The following BMP2K variants were observed in gnomAD, a reference collection of about 807,000 sequenced individuals.
BMP2K encodes the protein BMP2 inducible kinase.
A neutral mutation model predicts 116.0 loss-of-function variants in BMP2K; 74 were observed. The observed-to-expected ratio is 0.64, with a 90% confidence interval of 0.53 to 0.77. BMP2K has a LOEUF of 0.77. Ranked by LOEUF, BMP2K falls within the 30% of genes least tolerant of loss-of-function variation. BMP2K has a pLI of 0.00. For missense variants in BMP2K, 1,365 were observed against 1,403.6 expected, an observed-to-expected ratio of 0.97 and a Z score of 0.44; for synonymous variants, 486 against 502.5, an observed-to-expected ratio of 0.97 and a Z score of 0.44.
chr4:78,825,464 T>C (rs1463198800), intron 1 of BMP2K, among the ~76,000 whole-genome samples: 2 of 152,206 alleles, frequency 1.3e-5, no homozygotes, highest in Admixed American at 6.5e-5. Flanking sequence ...CAGTCTTTTA[T>C]CTATGGAAAA....
chr4:78,827,295 G>A (rs1225792440), intron 2 of BMP2K, among the ~76,000 whole-genome samples: 1 of 151,434 alleles, frequency 6.6e-6, no homozygotes, highest in Non-Finnish European at 1.5e-5. Context: ...CATAAGCAAA[G>A]CCCGGTCCAG....
chr4:78,878,673 ATTTT>A, intron 13 of BMP2K, 57 bp from the exon 14 acceptor site: 1 of 1,353,010 alleles, frequency 7.4e-7, no homozygotes, highest in Non-Finnish European at 1.0e-6. Flanking sequence ...GGCATTGTAA[ATTTT>A]TATTTATTTT....
chr4:78,778,122 CT>C (rs1727335437), intron 1 of BMP2K, among the ~76,000 whole-genome samples: 1 of 152,128 alleles, frequency 6.6e-6, no homozygotes, highest in African/African-American at 2.4e-5. Flanking sequence ...CATATTCTGT[CT>C]TTGAATTGTT....
intron 15 of BMP2K, among the ~76,000 whole-genome samples, chr4:78,892,201 A>G (rs1166633611): frequency 6.6e-6 from 1 of 152,214 alleles, no homozygotes; most frequent in East Asian, 1.9e-4. Context: ...CCTGTGAAGC[A>G]AACTGGGCTT....
At position 78,910,738 on chromosome 4, in the gene BMP2K, G is replaced by A; in HGVS notation, c.2191G>A (p.Gly731Ser). 6.2e-7 allele frequency: 1 copy of A among 1,613,820 alleles called. No individual in the cohort carries two copies. Among genetic ancestry groups the A allele is most frequent in the Non-Finnish European group, 8.5e-7 (1 of 1,179,848 alleles). The change falls in exon 16 of 16, where the codon GGT (glycine) becomes AGT (serine). Residue 731 changes from glycine to serine, a missense_variant. Gly to Ser is a moderately conservative substitution (Grantham distance 56). Transcript: ENST00000502613. ...GACTGGAAAGAAAACCTCAGTACAG[G>A]GTCAAGTGCAAAAGGGGAATGATGA... ...QRTGKKTSVQ[G>S]QVQKGNDESE... is the part of the protein sequence containing the mutation.
chr4:78,896,828 A>G (rs979834698), intron 15 of BMP2K, among the ~76,000 whole-genome samples: 2 of 152,214 alleles, frequency 1.3e-5, no homozygotes, highest in African/African-American at 2.4e-5. Flanking sequence ...ATCCTTACAC[A>G]TGAACATTTG....
chr4:78,819,088 A>C (rs1278411873), intron 1 of BMP2K, among the ~76,000 whole-genome samples: 1 of 152,208 alleles, frequency 6.6e-6, no homozygotes, highest in African/African-American at 2.4e-5. Context: ...TATTTATTGA[A>C]TGAATGAATC....
intron 1 of BMP2K, among the ~76,000 whole-genome samples, chr4:78,817,175 G>T (rs539506817): frequency 6.6e-6 from 1 of 152,272 alleles, no homozygotes; most frequent in African/African-American, 2.4e-5. Context: ...TATTATTCCT[G>T]AGTAAATAGC....
rs370487867 is a variant in BMP2K at position 78,824,595 on chromosome 4, T to C, written c.179-1442T>C. Among the ~76,000 whole-genome samples the C allele has an allele frequency of 2.0e-5, 3 of 152,210 alleles. No homozygotes were observed. In the South Asian group the frequency reaches 6.2e-4, roughly 32 times the overall value. ...GATTATTACAATTCAAAATGAGATT[T>C]CAGTGGGGACACAGCCAAATCATAT... On this transcript the variant is annotated intron_variant, in intron 1 of 15. Transcript: ENST00000502613.
Position 78,912,936 on chromosome 4 carries a change from G to A in BMP2K, c.*903G>A, listed in dbSNP as rs1009033806. 5 of 152,038 alleles carry A rather than the reference G, an allele frequency of 3.3e-5. No individual in the cohort carries two copies. The highest frequency in any genetic ancestry group is 1.2e-4 in the African/African-American group (5 of 41,388). 9.4% of individuals were successfully genotyped at this position (152,038 alleles called of 1,614,324 possible). ...TCTTGCCCCAAACTTTTATTGTGAT[G>A]GCCCTAATAAAGCAGATTATTGGAA... is the stretch of plus-strand genomic sequence containing the variant. On this transcript the variant is annotated 3_prime_UTR_variant, in exon 16 of 16. Transcript: ENST00000502613.
At position 78,829,437 on chromosome 4, in the gene BMP2K, A is replaced by C. The variant is rs1011858529; in HGVS notation, c.297+3282A>C. ...TTTTTTCTGTTTCTACCATGTCTGC[A>C]GTTACTTCCTTCACTGAAGTCATGA... is the stretch of plus-strand genomic sequence containing the variant. On this transcript the variant is annotated intron_variant, in intron 2 of 15. Transcript: ENST00000502613. Among the ~76,000 whole-genome samples, 4 of 148,296 alleles carry C rather than the reference A, an allele frequency of 2.7e-5. No individual in the cohort carries two copies. In the Admixed American group the frequency reaches 2.7e-4, roughly 10 times the overall value.
intron 1 of BMP2K, among the ~76,000 whole-genome samples, chr4:78,779,357 A>G (rs796815507): frequency 6.6e-5 from 10 of 152,244 alleles, no homozygotes; most frequent in African/African-American, 1.9e-4. Flanking sequence ...TCACACTTGT[A>G]TTTTCTCTGT....
chr4:78,872,590 GTATAA>G lies in BMP2K; in HGVS notation c.1609-20_1609-16del. On this transcript the variant is annotated intron_variant, in intron 12 of 15. Coordinates refer to ENST00000502613, the MANE Select transcript of BMP2K (RefSeq NM_198892.2). Reference sequence around the variant, plus strand: ...TGCTTTAGGACTGGAGCATTGTTTTGTATAATATCATTTCTTTTTTCAGATGCCGC... The same window carrying G: ...TGCTTTAGGACTGGAGCATTGTTTTGTATCATTTCTTTTTTCAGATGCCGC... The G allele has an allele frequency of 6.2e-7, 1 of 1,608,318 alleles. No individual in the cohort carries two copies. Among genetic ancestry groups the G allele is most frequent in the Non-Finnish European group, 8.5e-7 (1 of 1,177,208 alleles).
intron 1 of BMP2K, among the ~76,000 whole-genome samples, chr4:78,795,607 C>T (rs1728217875): frequency 6.6e-6 from 1 of 152,054 alleles, no homozygotes; most frequent in Non-Finnish European, 1.5e-5. Context: ...AGACAACCTA[C>T]AAAATGGGAG....
At chr4:78,875,746 G>A (rs1002091237) in intron 13 of BMP2K, among the ~76,000 whole-genome samples, 1 of 152,196 alleles carries the variant, frequency 6.6e-6, no homozygotes, top group African/African-American at 2.4e-5. Flanking sequence ...TCACTCACAT[G>A]GCTTTGGGCA....
Position 78,912,231 on chromosome 4 carries a change from G to C in BMP2K, c.*198G>C. 1 of 534,462 alleles carries C rather than the reference G, an allele frequency of 1.9e-6. No individual in the cohort carries two copies. Among genetic ancestry groups the C allele is most frequent in the East Asian group, 3.0e-5 (1 of 32,818 alleles). The allele number at this position is 534,462 out of a possible 1,614,324, so 33.1% of individuals were successfully genotyped here. ...AACTTGATTCCTCTTCAGGAGAAAA[G>C]GGAGCTAAATTGCAAGCTCTAACTA... On this transcript the variant is annotated 3_prime_UTR_variant, in exon 16 of 16. Transcript: ENST00000502613.
At chr4:78,850,258 G>A (rs1731183234) in intron 6 of BMP2K, among the ~76,000 whole-genome samples, 2 of 151,758 alleles carry the variant, frequency 1.3e-5, no homozygotes, top group South Asian at 4.1e-4. Flanking sequence ...TGCCCTCATT[G>A]TCAGCAAGTA....
At chr4:78,867,327 C>T (rs987437538) in intron 10 of BMP2K, among the ~76,000 whole-genome samples, 1 of 152,052 alleles carries the variant, frequency 6.6e-6, no homozygotes, top group Non-Finnish European at 1.5e-5. Context: ...ATGGTTTTGT[C>T]GCTGTTCAGA....
rs771977520 is a variant in BMP2K, at chr4:78,872,590, G to A, written c.1609-24G>A. The stretch of plus-strand genomic sequence containing the variant: ...TGCTTTAGGACTGGAGCATTGTTTT[G>A]TATAATATCATTTCTTTTTTCAGAT... On this transcript the variant is annotated intron_variant, in intron 12 of 15. Transcript: ENST00000502613. The A allele has an allele frequency of 1.9e-6, 3 of 1,608,318 alleles. No individual in the cohort carries two copies. In the South Asian group the frequency reaches 3.3e-5, roughly 18 times the overall value.
Sources: allele counts gnomAD v4.1 joint callset (sites outside exome capture counted in the v4.1 genomes callset), GRCh38; gene constraint gnomAD v4.1.1; transcripts MANE v1.5; gene names NCBI Gene and HGNC (gene_info 2026-07-23, HGNC 2026-07-21).